The following SPTBN1 variants were observed in gnomAD, a reference collection of about 807,000 sequenced individuals.
SPTBN1 encodes spectrin beta, non-erythrocytic 1, also known as spectrin beta chain, non-erythrocytic 1.
A neutral mutation model predicts 266.4 loss-of-function variants in SPTBN1; 32 were observed. The observed-to-expected ratio is 0.12, with a 90% CI of 0.09 to 0.16. The LOEUF (loss-of-function observed/expected upper bound fraction) is 0.16. Ranked by LOEUF, SPTBN1 falls within the 10% of genes least tolerant of loss-of-function variation. The pLI, the probability that SPTBN1 is intolerant of heterozygous loss-of-function variation, is 1.00. For synonymous variants in SPTBN1, 1,336 were observed against 1,162.2 expected, an observed-to-expected ratio of 1.15 and a Z score of -3.04; for missense variants, 2,296 against 3,067.1, an observed-to-expected ratio of 0.75 and a Z score of 5.94.
intron 1 of SPTBN1, among the ~76,000 whole-genome samples, chr2:54,483,035 G>A (rs1668177674): frequency 6.6e-6 from 1 of 152,220 alleles, no homozygotes; most frequent in African/African-American, 2.4e-5. Context: ...ATGTGACCCT[G>A]AGGAGGCCGG....
chr2:54,628,333 C>T lies in SPTBN1; in HGVS notation c.1798+83C>T, dbSNP rs1210195542. On this transcript the variant is annotated intron_variant, in intron 13 of 35. Coordinates refer to ENST00000356805, the MANE Select transcript of SPTBN1 (RefSeq NM_003128.3). The surrounding 1 kb of genome is among the most constrained non-coding windows in gnomAD (Gnocchi z 4.3). ...AAACACAGTGGGGCTTTTGAAGTTA[C>T]TGTGCCACTATACATTCCTGGTGGG... The T allele has an allele frequency of 6.8e-7, 1 of 1,461,752 alleles. No homozygotes were observed. The highest frequency in any genetic ancestry group is 9.1e-7 in the Non-Finnish European group (1 of 1,102,602). The allele number at this position is 1,461,752 out of a possible 1,614,324, so 90.5% of individuals were successfully genotyped here. A position where few individuals can be genotyped will look rare whatever the true frequency, so the allele number is the denominator to read the frequency against.
Position 54,608,192 on chromosome 2 carries a change from A to C in SPTBN1, c.301-3969A>C, listed in dbSNP as rs1450058916. Among the ~76,000 whole-genome samples, 5 of 152,098 alleles carry C rather than the reference A, an allele frequency of 3.3e-5. No homozygotes were observed. In the East Asian group the frequency reaches 7.7e-4, roughly 23 times the overall value. ...CTCTGTGCTCAGAACTGGACCAAAAACCCCTGAGAATATAGAAGTATAAAG... is the reference window on the plus strand; with the variant it reads ...CTCTGTGCTCAGAACTGGACCAAAACCCCCTGAGAATATAGAAGTATAAAG... On this transcript the variant is annotated intron_variant, in intron 3 of 35. Coordinates refer to ENST00000356805, the MANE Select transcript of SPTBN1 (RefSeq NM_003128.3).
chr2:54,477,780 G>A (rs188181657), intron 1 of SPTBN1, among the ~76,000 whole-genome samples: 7 of 152,206 alleles, frequency 4.6e-5, no homozygotes, highest in Non-Finnish European at 1.0e-4. Flanking sequence ...GCATGGTGGC[G>A]GGTGCCCGTT....
At chr2:54,550,783 T>C (rs3936082) in intron 2 of SPTBN1, among the ~76,000 whole-genome samples, 13,556 of 152,240 alleles carry the variant, frequency 0.089, 1,920 homozygotes, top group African/African-American at 0.3. Flanking sequence ...GTGTCTGATT[T>C]CCTCAGCTAG....
intron 1 of SPTBN1, among the ~76,000 whole-genome samples, chr2:54,522,058 T>G (rs1005231734): frequency 6.6e-6 from 1 of 151,244 alleles, no homozygotes; most frequent in Admixed American, 6.6e-5. Flanking sequence ...CCACCACAGC[T>G]GGCTATTTTT....
intron 1 of SPTBN1, among the ~76,000 whole-genome samples, chr2:54,518,544 A>G (rs1435307352): frequency 6.6e-6 from 1 of 151,998 alleles, no homozygotes; most frequent in Non-Finnish European, 1.5e-5. Context: ...ATTCTCAGAC[A>G]CACGATTTGC....
At chr2:54,463,453 G>T (rs552435046) in intron 1 of SPTBN1, among the ~76,000 whole-genome samples, 57 of 152,326 alleles carry the variant, frequency 3.7e-4, no homozygotes, top group African/African-American at 1.4e-3. Context: ...CTGATGGGAG[G>T]CTTTGGATGG....
intron 1 of SPTBN1, among the ~76,000 whole-genome samples, chr2:54,522,830 G>T (rs1231568816): frequency 6.6e-6 from 1 of 152,160 alleles, no homozygotes; most frequent in Non-Finnish European, 1.5e-5. Context: ...GGAGTCAGGT[G>T]CGGTGGATGT....
chr2:54,655,973 A>G lies in SPTBN1; in HGVS notation c.6021A>G (p.Glu2007=). 1 of 1,613,456 alleles carries G rather than the reference A, an allele frequency of 6.2e-7. No homozygotes were observed. Among genetic ancestry groups the G allele is most frequent in the Non-Finnish European group, 8.5e-7 (1 of 1,179,502 alleles). The stretch of plus-strand genomic sequence containing the variant: ...GGAAAGAAATGATCGACAAGTGGGA[A>G]GACCGATGGGAATGGTTAAGACTGA... ...EKRKEMIDKW[E]DRWEWLRLIL... is the part of the protein sequence containing the mutation. Residue 2007 remains glutamate, a synonymous_variant, in exon 29 of 36, where the codon GAA becomes GAG. Coordinates refer to ENST00000356805, the MANE Select transcript of SPTBN1 (RefSeq NM_003128.3).
At chr2:54,476,265 A>G (rs937464069) in intron 1 of SPTBN1, among the ~76,000 whole-genome samples, 1 of 152,196 alleles carries the variant, frequency 6.6e-6, no homozygotes, top group East Asian at 1.9e-4. Flanking sequence ...GCCCCGCCCA[A>G]ATGCTAGGGT....
chr2:54,494,665 A>G (rs1167236029), intron 1 of SPTBN1, among the ~76,000 whole-genome samples: 2 of 152,214 alleles, frequency 1.3e-5, no homozygotes, highest in Non-Finnish European at 2.9e-5. Context: ...TTCCATTTAT[A>G]TAGAAATTAC....
chr2:54,488,086 C>T (rs1227270856), intron 1 of SPTBN1, among the ~76,000 whole-genome samples: 2 of 151,996 alleles, frequency 1.3e-5, no homozygotes, highest in Admixed American at 1.3e-4. Context: ...ACCTCAGCCT[C>T]CCAAAGTGCT....
intron 17 of SPTBN1, among the ~76,000 whole-genome samples, chr2:54,635,454 G>T (rs1441434837): frequency 6.6e-6 from 1 of 152,202 alleles, no homozygotes; most frequent in Non-Finnish European, 1.5e-5. Context: ...CTAAATCCTT[G>T]CCTCTTTCTT....
chr2:54,524,194 A>G (rs1031467440), intron 1 of SPTBN1, among the ~76,000 whole-genome samples: 6 of 151,970 alleles, frequency 3.9e-5, no homozygotes, highest in Admixed American at 2.6e-4. Flanking sequence ...GCGAAACTCC[A>G]TCTCAAAAAA....
At chr2:54,520,944 T>C (rs1670400837) in intron 1 of SPTBN1, among the ~76,000 whole-genome samples, 1 of 152,144 alleles carries the variant, frequency 6.6e-6, no homozygotes, top group Admixed American at 6.5e-5. Flanking sequence ...GGTTTCCTAA[T>C]GGTGGAACCA....
At chr2:54,525,340 G>A (rs776634314) in intron 1 of SPTBN1, among the ~76,000 whole-genome samples, 42 of 152,016 alleles carry the variant, frequency 2.8e-4, no homozygotes, top group South Asian at 2.1e-3. Context: ...CCGGCTCCTC[G>A]GTTCAAGCAA....
chr2:54,579,550 C>T (rs1445625137), intron 2 of SPTBN1, among the ~76,000 whole-genome samples: 1 of 152,222 alleles, frequency 6.6e-6, no homozygotes, highest in Non-Finnish European at 1.5e-5. Flanking sequence ...GAACTGTGGA[C>T]AGACCAGATC....
chr2:54,567,414 A>T (rs1573431243), intron 2 of SPTBN1, among the ~76,000 whole-genome samples: 4 of 152,048 alleles, frequency 2.6e-5, no homozygotes, highest in Admixed American at 2.6e-4. Flanking sequence ...ATCTTGGCTC[A>T]CTGCAACCCT....
At chr2:54,631,708 G>A in intron 16 of SPTBN1, 97 bp downstream of exon 16, 1 of 1,436,464 alleles carries the variant, frequency 7.0e-7, no homozygotes, top group Non-Finnish European at 9.3e-7. Context: ...AACCACACCT[G>A]TATGGAATTA....
Sources: allele counts gnomAD v4.1 joint callset (sites outside exome capture counted in the v4.1 genomes callset), GRCh38; gene constraint gnomAD v4.1.1; non-coding constraint Gnocchi (gnomAD v3.1); transcripts MANE v1.5; gene names NCBI Gene and HGNC (gene_info 2026-07-23, HGNC 2026-07-21).